Variants in IMMP2L observed in about 807,000 individuals in gnomAD.
IMMP2L encodes the protein inner mitochondrial membrane peptidase subunit 2.
Under a neutral mutation model 19.3 loss-of-function variants are expected in IMMP2L, and 18 were observed. The observed-to-expected ratio is 0.93, with a 90% CI of 0.64 to 1.38. The LOEUF (loss-of-function observed/expected upper bound fraction) is 1.38, where lower values mean the gene tolerates loss of function less well. IMMP2L is among the 40% of genes most tolerant of loss of function. The pLI is 0.00. For synonymous variants in IMMP2L, 76 were observed against 73.0 expected, an observed-to-expected ratio of 1.04 and a Z score of -0.21; for missense variants, 233 against 218.2, an observed-to-expected ratio of 1.07 and a Z score of -0.43.
At position 111,126,129 on chromosome 7, in the gene IMMP2L, G is replaced by T. The variant is rs553019915; in HGVS notation, c.240-162564C>A. On this transcript the variant is annotated intron_variant, in intron 3 of 5. Coordinates refer to ENST00000405709, the MANE Select transcript of IMMP2L (RefSeq NM_032549.4). Reference sequence around the variant, plus strand: ...TGAGCCACCACGCCAGGTCTAGGCTGCTTGCTTTGCAGAAACTATTGCCAA... The same window carrying T: ...TGAGCCACCACGCCAGGTCTAGGCTTCTTGCTTTGCAGAAACTATTGCCAA... Among the ~76,000 whole-genome samples the T allele has an allele frequency of 3.3e-5, 5 of 152,104 alleles. No homozygotes were observed. The East Asian group carries it at 9.7e-4, about 29-fold the overall frequency.
rs550926062 is a variant in IMMP2L at position 111,282,715 on chromosome 7, C to T, written c.239+204523G>A. On this transcript the variant is annotated intron_variant, in intron 3 of 5. Transcript: ENST00000405709. ...CCTCCCACCTCAACCTCCCAAGTAG[C>T]TGGGACCACAGGCGTGAGCCACAAT... is the stretch of plus-strand genomic sequence containing the variant. 3.4e-3 allele frequency among the ~76,000 whole-genome samples: 523 copies of T among 152,236 alleles called. 4 individuals carry two copies. The highest frequency in any genetic ancestry group is 6.8e-3 in the Middle Eastern group (2 of 294).
intron 3 of IMMP2L, among the ~76,000 whole-genome samples, chr7:111,184,372 A>G (rs1808042334): frequency 6.6e-6 from 1 of 152,082 alleles, no homozygotes; most frequent in Non-Finnish European, 1.5e-5. Flanking sequence ...TATGTTGTAC[A>G]GAATGAATTG....
chr7:110,942,235 C>T (rs1170376795), intron 4 of IMMP2L, among the ~76,000 whole-genome samples: 1 of 151,904 alleles, frequency 6.6e-6, no homozygotes, highest in Non-Finnish European at 1.5e-5. Context: ...AATTTTCCAA[C>T]TGACTGGGAA....
intron 3 of IMMP2L, among the ~76,000 whole-genome samples, chr7:111,034,533 C>T (rs1170595219): frequency 6.6e-6 from 1 of 152,080 alleles, no homozygotes; most frequent in East Asian, 1.9e-4. Context: ...TTTATCTATT[C>T]ATCCATTGAT....
At chr7:111,307,820 T>C (rs1010065276) in intron 3 of IMMP2L, among the ~76,000 whole-genome samples, 4 of 151,860 alleles carry the variant, frequency 2.6e-5, no homozygotes, top group Admixed American at 1.3e-4. Context: ...TACTAGCTCA[T>C]GGGGCATTGT....
intron 3 of IMMP2L, among the ~76,000 whole-genome samples, chr7:111,222,022 C>A (rs533216006): frequency 6.6e-6 from 1 of 151,954 alleles, no homozygotes; most frequent in Non-Finnish European, 1.5e-5. Flanking sequence ...CTACCCAAGA[C>A]TAATTACAAA....
intron 3 of IMMP2L, among the ~76,000 whole-genome samples, chr7:111,321,457 T>G (rs147986994): frequency 4.7e-4 from 72 of 152,112 alleles, no homozygotes; most frequent in Middle Eastern, 3.4e-3. Context: ...TGAGGTAATA[T>G]TCTCAATGTC....
chr7:111,027,152 C>G (rs1458297053), intron 3 of IMMP2L, among the ~76,000 whole-genome samples: 1 of 152,160 alleles, frequency 6.6e-6, no homozygotes, highest in African/African-American at 2.4e-5. Context: ...CTTCAACGCC[C>G]ACTGCAGTTT....
At chr7:111,032,654 C>T (rs1322665011) in intron 3 of IMMP2L, among the ~76,000 whole-genome samples, 1 of 151,862 alleles carries the variant, frequency 6.6e-6, no homozygotes, top group East Asian at 1.9e-4. Flanking sequence ...AAACCCCCTC[C>T]CTACTAAAAA....
At chr7:111,426,690 T>C (rs1325686722) in intron 3 of IMMP2L, among the ~76,000 whole-genome samples, 1 of 151,294 alleles carries the variant, frequency 6.6e-6, no homozygotes, top group Non-Finnish European at 1.5e-5. Context: ...CTTTGATGAG[T>C]AGTTTGCCTT....
intron 5 of IMMP2L, among the ~76,000 whole-genome samples, chr7:110,681,548 C>T (rs547092513): frequency 1.2e-4 from 19 of 152,224 alleles, no homozygotes; most frequent in Middle Eastern, 3.4e-3. Context: ...GTGATTATTA[C>T]AGTAACTTGG....
intron 3 of IMMP2L, among the ~76,000 whole-genome samples, chr7:111,014,716 T>C (rs1452837441): frequency 1.3e-5 from 2 of 152,082 alleles, no homozygotes; most frequent in Non-Finnish European, 2.9e-5. Flanking sequence ...ACCTCTTATA[T>C]GCAACAACAA....
chr7:111,413,322 A>G (rs1441920551), intron 3 of IMMP2L, among the ~76,000 whole-genome samples: 10 of 152,160 alleles, frequency 6.6e-5, no homozygotes, highest in Admixed American at 6.5e-4. Flanking sequence ...TTTTTTTAGA[A>G]AAGAAAAAAA....
intron 3 of IMMP2L, among the ~76,000 whole-genome samples, chr7:111,327,379 C>A (rs891573187): frequency 2.0e-5 from 3 of 151,800 alleles, no homozygotes; most frequent in East Asian, 3.9e-4. Flanking sequence ...TCACATAGAT[C>A]ATTATATATA....
At chr7:111,096,521 A>G (rs1180062435) in intron 3 of IMMP2L, among the ~76,000 whole-genome samples, 5 of 150,302 alleles carry the variant, frequency 3.3e-5, no homozygotes, top group African/African-American at 1.2e-4. Context: ...AAAAAAAAAA[A>G]CAAAACAAAA....
intron 3 of IMMP2L, among the ~76,000 whole-genome samples, chr7:111,314,419 TG>T (rs1321183664): frequency 2.6e-5 from 4 of 152,112 alleles, no homozygotes; most frequent in Admixed American, 6.6e-5. Flanking sequence ...GAGCAAAGTA[TG>T]ATTCTATTAA....
intron 5 of IMMP2L, among the ~76,000 whole-genome samples, chr7:110,673,753 A>C (rs1356409572): frequency 6.6e-6 from 1 of 152,128 alleles, no homozygotes; most frequent in Non-Finnish European, 1.5e-5. Context: ...ATCTGAGACC[A>C]CCTCAGCCTA....
At position 111,398,764 on chromosome 7, in the gene IMMP2L, G is replaced by T. The variant is rs1253765707; in HGVS notation, c.239+88474C>A. Among the ~76,000 whole-genome samples, 5 of 151,300 alleles carry T rather than the reference G, an allele frequency of 3.3e-5. No individual in the cohort carries two copies. The East Asian group carries it at 9.9e-4, about 30-fold the overall frequency. On this transcript the variant is annotated intron_variant, in intron 3 of 5. Transcript: ENST00000405709. ...CAGAAAGCTCCTAGAACTGATAAAA[G>T]AATTCAGCAAAATTTCCAGATATAA...
At chr7:111,510,192 G>A (rs756390983) in intron 2 of IMMP2L, among the ~76,000 whole-genome samples, 1 of 152,074 alleles carries the variant, frequency 6.6e-6, no homozygotes, top group Non-Finnish European at 1.5e-5. Flanking sequence ...AATGAGTCGT[G>A]TTATACAGTC....
Sources: gnomAD v4.1 joint callset for allele counts (sites outside exome capture counted in the v4.1 genomes callset) on GRCh38, gnomAD v4.1.1 for gene constraint, MANE v1.5 for transcripts, NCBI Gene and HGNC (gene_info 2026-07-23, HGNC 2026-07-21) for gene names.